ARHGAP29: variants seen among roughly 807,000 people sequenced by gnomAD.
ARHGAP29 encodes the protein Rho GTPase activating protein 29.
Under a neutral mutation model 122.6 loss-of-function variants are expected in ARHGAP29, and 43 were observed. The observed-to-expected ratio is 0.35, with a 90% confidence interval of 0.27 to 0.45. The LOEUF (loss-of-function observed/expected upper bound fraction) is 0.45, where lower values mean the gene tolerates loss of function less well. Ranked by LOEUF, ARHGAP29 falls within the 20% of genes least tolerant of loss-of-function variation. The probability of loss-of-function intolerance (pLI) is 1.00; values close to 1 mark genes in which losing one functional copy is unlikely to be tolerated. For missense variants in ARHGAP29, 1,303 were observed against 1,477.2 expected (o/e 0.88, Z 1.93); for synonymous variants, 506 against 497.1 (o/e 1.02, Z -0.24).
chr1:94,237,342 C>G, intron 1 of ARHGAP29, 73 bp downstream of exon 1: 2 of 957,158 alleles, frequency 2.1e-6, no homozygotes, highest in South Asian at 9.6e-5. Context: ...AATTCGCGGG[C>G]GCTCGCGCGG....
chr1:94,237,675 C>A, upstream of ARHGAP29: 1 of 985,712 alleles, frequency 1.0e-6, no homozygotes, highest in Non-Finnish European at 1.2e-6. Context: ...GGCCCGCGCT[C>A]CCGGGGGCGG....
At position 94,185,479 on chromosome 1, in the gene ARHGAP29, G is replaced by T; in HGVS notation, c.1783C>A (p.Pro595Thr). The T allele has an allele frequency of 1.3e-6, 2 of 1,596,244 alleles. No individual in the cohort carries two copies. Among genetic ancestry groups the T allele is most frequent in the Non-Finnish European group, 1.7e-6 (2 of 1,173,592 alleles). The change falls in exon 17 of 23, where the codon CCC (proline) becomes ACC (threonine). Residue 595 changes from proline to threonine, a missense_variant and splice_region_variant. Pro to Thr is a conservative substitution (Grantham distance 38). Transcript: ENST00000260526. The part of the protein sequence containing the change: ...REPPSPSETG[P>T]NSLGTFKKTL... ...TTCTTAAATGTTCCAAGGGAATTGG[G>T]TCCTTGCAAGAGAAATAATTTACAA...
At chr1:94,271,163 T>C (rs1169743538) in intron 1 of ARHGAP29, among the ~76,000 whole-genome samples, 1 of 152,252 alleles carries the variant, frequency 6.6e-6, no homozygotes, top group Non-Finnish European at 1.5e-5. Context: ...CTTGGTTCCT[T>C]GCTGTCTGTT....
At chr1:94,264,329 G>A (rs1229969672) in intron 1 of ARHGAP29, among the ~76,000 whole-genome samples, 2 of 152,062 alleles carry the variant, frequency 1.3e-5, no homozygotes, top group Non-Finnish European at 2.9e-5. Flanking sequence ...CATTGTTCAT[G>A]GTTGGTGCTC....
At chr1:94,203,280 C>T in intron 8 of ARHGAP29, 70 bp from the exon 9 acceptor site, 2 of 1,086,446 alleles carry the variant, frequency 1.8e-6, no homozygotes, top group Admixed American at 2.7e-5. Context: ...CATCACTACC[C>T]TTCTTCAAAA....
the ARHGAP29 span, among the ~76,000 whole-genome samples, chr1:94,309,117 C>T: frequency 0.19 from 28,395 of 152,184 alleles, 4,271 homozygotes; most frequent in African/African-American, 0.42. Flanking sequence ...CAGACTGGGG[C>T]TAGCCATTTT....
At position 94,171,249 on chromosome 1, in the gene ARHGAP29, C is replaced by T. The variant is rs1362302498; in HGVS notation, c.*2620G>A. 6.6e-6 allele frequency among the ~76,000 whole-genome samples: 1 copy of T among 152,146 alleles called. No homozygotes were observed. Among genetic ancestry groups the T allele is most frequent in the Non-Finnish European group, 1.5e-5 (1 of 68,038 alleles). On this transcript the variant is annotated 3_prime_UTR_variant, in exon 23 of 23. Coordinates refer to ENST00000260526, the MANE Select transcript of ARHGAP29 (RefSeq NM_004815.4). The stretch of plus-strand genomic sequence containing the variant: ...TGTGAGTTCACTAGGCAACAAGTCT[C>T]AGGGATCATATAGTCTTTGTCTCTG...
At position 94,205,692 on chromosome 1, in the gene ARHGAP29, A is replaced by G; in HGVS notation, c.511-9T>C. 6.2e-7 allele frequency: 1 copy of G among 1,608,204 alleles called. No individual in the cohort carries two copies. The highest frequency in any genetic ancestry group is 8.5e-7 in the Non-Finnish European group (1 of 1,177,672). On this transcript the variant is annotated splice_polypyrimidine_tract_variant and intron_variant, in intron 5 of 22. Transcript: ENST00000260526. ...GAAACATTTTCAAACGACTTACAAC[A>G]TGGAAAAAGATAAATTTAAAATTAG...
intron 12 of ARHGAP29, chr1:94,194,608 G>A (rs1283680391): frequency 1.3e-5 from 2 of 152,162 alleles, no homozygotes; most frequent in Admixed American, 6.5e-5. Context: ...ATGATAGAAG[G>A]GGAAGGGTCA....
intron 19 of ARHGAP29, among the ~76,000 whole-genome samples, chr1:94,182,630 C>A (rs548782963): frequency 6.6e-6 from 1 of 152,188 alleles, no homozygotes; most frequent in African/African-American, 2.4e-5. Context: ...AAAAAAACAC[C>A]TTTGAATTTC....
intron 1 of ARHGAP29, among the ~76,000 whole-genome samples, chr1:94,268,382 C>G (rs1654856472): frequency 6.6e-6 from 1 of 152,094 alleles, no homozygotes. Flanking sequence ...AACTTTCACC[C>G]TCCCCTACTC....
In ARHGAP29 at chr1:94,173,108, T is replaced by C. The variant is rs542107032; in HGVS notation, c.*761A>G. On this transcript the variant is annotated 3_prime_UTR_variant, in exon 23 of 23. Coordinates refer to ENST00000260526, the MANE Select transcript of ARHGAP29 (RefSeq NM_004815.4). The stretch of plus-strand genomic sequence containing the variant: ...TCAGAACTGCTGAAAAACAAAAGTT[T>C]ATATAAAATAAAGCCAAGGGGTGAA... The C allele has an allele frequency of 1.3e-5, 2 of 152,694 alleles. No homozygotes were observed. Among genetic ancestry groups the C allele is most frequent in the East Asian group, 3.9e-4 (2 of 5,188 alleles). 9.5% of individuals were successfully genotyped at this position (152,694 alleles called of 1,614,324 possible). A position where few individuals can be genotyped will look rare whatever the true frequency, so the allele number is the denominator to read the frequency against.
At chr1:94,304,292 A>T in the ARHGAP29 span, among the ~76,000 whole-genome samples, 1 of 152,284 alleles carries the variant, frequency 6.6e-6, no homozygotes, top group South Asian at 2.1e-4. Context: ...GGTGTGTATT[A>T]CCACGTCCTG....
chr1:94,266,894 A>G (rs1202956915), intron 1 of ARHGAP29, among the ~76,000 whole-genome samples: 1 of 152,200 alleles, frequency 6.6e-6, no homozygotes, highest in African/African-American at 2.4e-5. Flanking sequence ...AAAGCTTTAC[A>G]ACTTTGGACA....
the ARHGAP29 span, chr1:94,302,088 G>A: frequency 3.6e-6 from 1 of 277,982 alleles, no homozygotes; most frequent in Non-Finnish European, 7.0e-6. Flanking sequence ...CTGGGCACCT[G>A]GTCACCACGG....
intron 2 of ARHGAP29, among the ~76,000 whole-genome samples, chr1:94,223,847 G>A (rs559197428): frequency 1.3e-3 from 192 of 148,838 alleles, no homozygotes; most frequent in African/African-American, 4.3e-3. Flanking sequence ...TTGCTCTGTC[G>A]CCTGGGCTAG....
At chr1:94,189,784 C>T (rs563204026) in intron 13 of ARHGAP29, 142 bp downstream of exon 13, 15 of 740,590 alleles carry the variant, frequency 2.0e-5, no homozygotes, top group East Asian at 1.1e-4. Flanking sequence ...ATATCTACTT[C>T]GATACCATAA....
At chr1:94,266,288 A>C (rs1654768501) in intron 1 of ARHGAP29, among the ~76,000 whole-genome samples, 1 of 152,160 alleles carries the variant, frequency 6.6e-6, no homozygotes, top group Non-Finnish European at 1.5e-5. Flanking sequence ...CTTCTATGGC[A>C]TGCTTATTCC....
At chr1:94,262,273 C>G (rs1471352632) in intron 1 of ARHGAP29, among the ~76,000 whole-genome samples, 6 of 152,114 alleles carry the variant, frequency 3.9e-5, no homozygotes, top group African/African-American at 1.4e-4. Flanking sequence ...GGATTAAAGA[C>G]TTAAATGTAA....
Sources: allele counts gnomAD v4.1 joint callset (sites outside exome capture counted in the v4.1 genomes callset), GRCh38; gene constraint gnomAD v4.1.1; transcripts MANE v1.5; gene names NCBI Gene and HGNC (gene_info 2026-07-23, HGNC 2026-07-21).